Variants in TTC28 observed in about 807,000 individuals in gnomAD.
TTC28 encodes the protein tetratricopeptide repeat domain 28.
Under a neutral mutation model 198.0 loss-of-function variants are expected in TTC28, and 61 were observed. That is an observed-to-expected ratio of 0.31 (90% CI 0.25 to 0.38). The LOEUF is 0.38. TTC28 is among the 10% of genes least tolerant of loss of function. The probability of loss-of-function intolerance (pLI) is 1.00; values close to 1 mark genes in which losing one functional copy is unlikely to be tolerated. For synonymous variants in TTC28, 1,171 were observed against 1,297.8 expected, an observed-to-expected ratio of 0.90 and a Z score of 2.10; for missense variants, 2,678 against 3,164.0, an observed-to-expected ratio of 0.85 and a Z score of 3.69.
intron 5 of TTC28, among the ~76,000 whole-genome samples, chr22:28,184,394 G>C (rs1157479622): frequency 1.3e-5 from 2 of 152,012 alleles, no homozygotes; most frequent in Non-Finnish European, 2.9e-5. Context: ...CATTTCCCTT[G>C]TGTGGCATTT....
At chr22:28,276,991 A>G (rs1482175886) in intron 5 of TTC28, among the ~76,000 whole-genome samples, 1 of 152,170 alleles carries the variant, frequency 6.6e-6, no homozygotes, top group Non-Finnish European at 1.5e-5. Context: ...AATAGTTAAA[A>G]AGTAAAATTT....
At chr22:28,630,779 G>A (rs1362611849) in intron 1 of TTC28, among the ~76,000 whole-genome samples, 1 of 152,042 alleles carries the variant, frequency 6.6e-6, no homozygotes, top group Non-Finnish European at 1.5e-5. Context: ...ATGCATATGT[G>A]TATATGTATG....
chr22:28,247,538 G>A (rs1309208970), intron 5 of TTC28, among the ~76,000 whole-genome samples: 2 of 152,160 alleles, frequency 1.3e-5, no homozygotes, highest in Non-Finnish European at 2.9e-5. Context: ...GAAACAGATT[G>A]CTTCACTACA....
intron 2 of TTC28, among the ~76,000 whole-genome samples, chr22:28,452,265 C>CT (rs1421176458): frequency 6.6e-6 from 1 of 151,770 alleles, no homozygotes; most frequent in African/African-American, 2.4e-5. Flanking sequence ...TGGCATGCAC[C>CT]TGTAGTCCCA....
intron 2 of TTC28, among the ~76,000 whole-genome samples, chr22:28,384,396 A>C (rs1371970848): frequency 1.3e-5 from 2 of 151,326 alleles, no homozygotes; most frequent in Middle Eastern, 3.4e-3. Context: ...GCCCTTCATC[A>C]CTCTTTATCG....
chr22:28,173,178 C>T (rs866400397), intron 5 of TTC28, among the ~76,000 whole-genome samples: 1 of 152,168 alleles, frequency 6.6e-6, no homozygotes, highest in South Asian at 2.1e-4. Flanking sequence ...AGCCCCTGGG[C>T]AAATAACATG....
At chr22:28,489,654 T>G (rs979407009) in intron 2 of TTC28, among the ~76,000 whole-genome samples, 13 of 151,784 alleles carry the variant, frequency 8.6e-5, no homozygotes, top group African/African-American at 2.9e-4. Context: ...GGTATGGTGG[T>G]GCATGCCTGT....
At position 27,985,246 on chromosome 22, in the gene TTC28, T is replaced by C; in HGVS notation, c.5815+3A>G. On this transcript the variant is annotated splice_donor_region_variant and intron_variant, in intron 22 of 22. Transcript: ENST00000397906. ...GAGAACTGGTCTGAGGGCAGGCTCT[T>C]ACCAAACAGAGACAGCAGGGACTGG... The C allele has an allele frequency of 6.5e-7, 1 of 1,550,082 alleles. No individual in the cohort carries two copies. Among genetic ancestry groups the C allele is most frequent in the Non-Finnish European group, 8.7e-7 (1 of 1,145,754 alleles).
intron 2 of TTC28, among the ~76,000 whole-genome samples, chr22:28,598,050 C>T (rs1052319875): frequency 1.3e-5 from 2 of 151,892 alleles, no homozygotes; most frequent in Non-Finnish European, 2.9e-5. Context: ...TTATATTTTA[C>T]AAGGAACTTC....
intron 2 of TTC28, among the ~76,000 whole-genome samples, chr22:28,320,087 C>G (rs969902682): frequency 1.3e-5 from 2 of 152,102 alleles, no homozygotes; most frequent in African/African-American, 4.8e-5. Flanking sequence ...TCTGCTACTA[C>G]TATTTTTTCC....
chr22:28,565,567 C>G (rs1423197727), intron 2 of TTC28, among the ~76,000 whole-genome samples: 2 of 152,160 alleles, frequency 1.3e-5, no homozygotes, highest in Non-Finnish European at 2.9e-5. Flanking sequence ...AAAAAGAGTT[C>G]TTTACTAACT....
intron 2 of TTC28, among the ~76,000 whole-genome samples, chr22:28,498,201 TCTC>T (rs2048483474): frequency 6.6e-6 from 1 of 150,934 alleles, no homozygotes; most frequent in Non-Finnish European, 1.5e-5. Context: ...TGGTGGTAAT[TCTC>T]CTCACATGAG....
rs1036322438 is a variant in TTC28, at chr22:27,980,472, A to C, written c.*1749T>G. ...GCTCAGGAGAACACAGATTGGATAA[A>C]TATTATCCTTTCTTCTTTTCAGAGG... On this transcript the variant is annotated 3_prime_UTR_variant, in exon 23 of 23. Coordinates refer to ENST00000397906, the MANE Select transcript of TTC28 (RefSeq NM_001145418.2). 4 of 152,244 alleles carry C rather than the reference A, an allele frequency of 2.6e-5. No homozygotes were observed. Among genetic ancestry groups the C allele is most frequent in the African/African-American group, 9.6e-5 (4 of 41,468 alleles). 9.4% of individuals were successfully genotyped at this position (152,244 alleles called of 1,614,324 possible). A position where few individuals can be genotyped will look rare whatever the true frequency, so the allele number is the denominator to read the frequency against.
intron 2 of TTC28, among the ~76,000 whole-genome samples, chr22:28,573,068 G>A (rs1433650775): frequency 1.3e-5 from 2 of 150,852 alleles, no homozygotes; most frequent in African/African-American, 2.4e-5. Flanking sequence ...GTTGCAGTGA[G>A]CAGTGATTGC....
intron 1 of TTC28, among the ~76,000 whole-genome samples, chr22:28,669,861 T>A (rs1032226502): frequency 4.6e-5 from 7 of 152,166 alleles, no homozygotes; most frequent in Non-Finnish European, 8.8e-5. Flanking sequence ...ATATACCCAA[T>A]TACTGGCAAA....
intron 2 of TTC28, among the ~76,000 whole-genome samples, chr22:28,365,439 G>A (rs142776694): frequency 7.4e-4 from 112 of 152,202 alleles, no homozygotes; most frequent in African/African-American, 2.5e-3. Context: ...TAGCTACCAG[G>A]AAAAAAGCAC....
At chr22:28,003,731 C>T (rs973677465) in intron 14 of TTC28, among the ~76,000 whole-genome samples, 1 of 152,206 alleles carries the variant, frequency 6.6e-6, no homozygotes, top group Non-Finnish European at 1.5e-5. Context: ...AGCCCATCTT[C>T]GTAGAACTCT....
intron 13 of TTC28, 109 bp downstream of exon 13, chr22:28,030,117 C>T (rs1309355822): frequency 1.4e-6 from 2 of 1,441,596 alleles, no homozygotes; most frequent in African/African-American, 2.8e-5. Context: ...AAATGCATGA[C>T]ACGAGCCAGA....
intron 1 of TTC28, among the ~76,000 whole-genome samples, chr22:28,649,517 A>G (rs761883702): frequency 2.0e-5 from 3 of 152,184 alleles, no homozygotes; most frequent in Non-Finnish European, 4.4e-5. Flanking sequence ...TGACTTGTTA[A>G]TTTCCATGGT....
Sources: allele counts gnomAD v4.1 joint callset (sites outside exome capture counted in the v4.1 genomes callset), GRCh38; gene constraint gnomAD v4.1.1; transcripts MANE v1.5; gene names NCBI Gene and HGNC (gene_info 2026-07-23, HGNC 2026-07-21).